The following ANO4 variants were observed in gnomAD, a reference collection of about 807,000 sequenced individuals.
ANO4 encodes anoctamin 4.
ANO4 carries 69 observed loss-of-function variants against 141.9 expected under a neutral mutation model. The ratio of observed to expected loss-of-function variants is 0.49; its 90% CI spans 0.40 to 0.59. The LOEUF is 0.59. Among genes scored for constraint, ANO4 ranks in the 20% least tolerant of loss-of-function variants. ANO4 has a pLI of 0.00. For missense variants in ANO4, 894 were observed against 1,162.2 expected, an observed-to-expected ratio of 0.77 and a Z score of 3.36; for synonymous variants, 350 against 394.3, an observed-to-expected ratio of 0.89 and a Z score of 1.33.
chr12:101,037,114 C>A lies in ANO4; in HGVS notation c.861C>A (p.Thr287=). The A allele has an allele frequency of 6.2e-7, 1 of 1,613,958 alleles. No homozygotes were observed. Among genetic ancestry groups the A allele is most frequent in the Non-Finnish European group, 8.5e-7 (1 of 1,179,908 alleles). Residue 287 remains threonine (T), a synonymous_variant, in exon 10 of 28, where the codon ACC becomes ACA. Coordinates refer to ENST00000392977, the MANE Select transcript of ANO4 (RefSeq NM_001286615.2). ...TTTTAGGTCTGAATCGTTTGCTTAC[C>A]AATGGCTCCTATGAAGCTGCGTTTC... ...KNKIGLNRLL[T]NGSYEAAFPL...
At chr12:100,801,739 C>A (rs1593365385) in intron 1 of ANO4, among the ~76,000 whole-genome samples, 1 of 32,742 alleles carries the variant, frequency 3.1e-5, no homozygotes. Flanking sequence ...TTTGATGGAG[C>A]AGGGGCTGGG....
At chr12:101,092,933 T>G (rs1362972682) in intron 17 of ANO4, among the ~76,000 whole-genome samples, 1 of 152,216 alleles carries the variant, frequency 6.6e-6, no homozygotes, top group East Asian at 1.9e-4. Flanking sequence ...GATAATTACA[T>G]AATTAAATAA....
At chr12:100,728,925 CAG>C (rs992614582) in intron 1 of ANO4, among the ~76,000 whole-genome samples, 1 of 152,078 alleles carries the variant, frequency 6.6e-6, no homozygotes, top group Non-Finnish European at 1.5e-5. Flanking sequence ...GGTTAAGAAA[CAG>C]AACACTTCCA....
At chr12:101,096,280 G>A (rs2049978632) in intron 18 of ANO4, among the ~76,000 whole-genome samples, 1 of 152,148 alleles carries the variant, frequency 6.6e-6, no homozygotes, top group Non-Finnish European at 1.5e-5. Context: ...TGTAAGAGTG[G>A]AACAGTCTAG....
At position 101,040,119 on chromosome 12, in the gene ANO4, G is replaced by A. The variant is rs369919343; in HGVS notation, c.1019+43G>A. 2.2e-5 allele frequency: 34 copies of A among 1,549,892 alleles called. No homozygotes were observed. In the African/African-American group the frequency reaches 4.6e-4, roughly 21 times the overall value. On this transcript the variant is annotated intron_variant, in intron 11 of 27. Coordinates refer to ENST00000392977, the MANE Select transcript of ANO4 (RefSeq NM_001286615.2). ...TGCAAATATAAAGCTTGCACAGAAT[G>A]ATTAGGGCAGACTGTCAGCTGGGAC...
intron 7 of ANO4, among the ~76,000 whole-genome samples, chr12:100,978,123 G>A (rs560626298): frequency 3.3e-5 from 5 of 152,322 alleles, no homozygotes; most frequent in African/African-American, 4.8e-5. Flanking sequence ...TGATGTAGGT[G>A]TCTAGCTCTC....
At chr12:100,980,849 G>A (rs184787677) in intron 7 of ANO4, among the ~76,000 whole-genome samples, 1 of 151,992 alleles carries the variant, frequency 6.6e-6, no homozygotes, top group East Asian at 1.9e-4. Context: ...ATTATAAATT[G>A]CCTATCCAAT....
intron 1 of ANO4, among the ~76,000 whole-genome samples, chr12:100,814,061 C>T (rs2035593148): frequency 6.6e-6 from 1 of 152,106 alleles, no homozygotes. Flanking sequence ...CTGTTCTTAC[C>T]ACTACTTTAT....
At chr12:101,009,167 AT>A (rs1452198311) in intron 8 of ANO4, among the ~76,000 whole-genome samples, 1 of 152,146 alleles carries the variant, frequency 6.6e-6, no homozygotes, top group African/African-American at 2.4e-5. Context: ...TTATGTTAAA[AT>A]GAAGTTATTA....
At chr12:100,816,373 G>A (rs1326022446) in intron 1 of ANO4, among the ~76,000 whole-genome samples, 1 of 152,048 alleles carries the variant, frequency 6.6e-6, no homozygotes, top group African/African-American at 2.4e-5. Context: ...TCTGAAAGAT[G>A]AGTGGTCCAT....
At chr12:100,724,684 A>G (rs1194317483) in intron 1 of ANO4, among the ~76,000 whole-genome samples, 3 of 152,124 alleles carry the variant, frequency 2.0e-5, no homozygotes, top group African/African-American at 7.2e-5. Context: ...ACCACTTTCT[A>G]CCTAGGACCA....
At chr12:100,966,136 GGT>G (rs2043644062) in intron 5 of ANO4, among the ~76,000 whole-genome samples, 1 of 152,096 alleles carries the variant, frequency 6.6e-6, no homozygotes, top group Non-Finnish European at 1.5e-5. Flanking sequence ...CCAAAATACT[GGT>G]TTCTTATTTA....
At chr12:100,726,188 G>A (rs949819544) in intron 1 of ANO4, among the ~76,000 whole-genome samples, 1 of 152,102 alleles carries the variant, frequency 6.6e-6, no homozygotes, top group Admixed American at 6.5e-5. Context: ...ACTGAGTTGT[G>A]CACTTGGGAT....
chr12:101,032,618 C>T (rs940583349), intron 9 of ANO4, among the ~76,000 whole-genome samples: 1 of 151,980 alleles, frequency 6.6e-6, no homozygotes, highest in Non-Finnish European at 1.5e-5. Context: ...AACAAATTTA[C>T]AAGGAAAAAA....
At chr12:100,733,709 T>G in intron 1 of ANO4, 2 of 663,410 alleles carry the variant, frequency 3.0e-6, no homozygotes, top group Non-Finnish European at 5.5e-6. Context: ...AGTCATATAT[T>G]TACATTGTGG....
chr12:100,726,873 T>TA (rs986933320), intron 1 of ANO4, among the ~76,000 whole-genome samples: 1 of 151,942 alleles, frequency 6.6e-6, no homozygotes, highest in South Asian at 2.1e-4. Flanking sequence ...AGTGCAACAT[T>TA]AAAAAAACTT....
rs117357589 is a variant in ANO4, at chr12:101,000,982, G to T, written c.734+13312G>T. 4.9e-4 allele frequency among the ~76,000 whole-genome samples: 75 copies of T among 152,268 alleles called. 2 individuals carry two copies. In the East Asian group the frequency reaches 0.014, roughly 28 times the overall value. ...AACAAACACTTTCAATGCCTATTATGTGCCACATATTGTACTATAATAGAA... is the reference window on the plus strand; with the variant it reads ...AACAAACACTTTCAATGCCTATTATTTGCCACATATTGTACTATAATAGAA... On this transcript the variant is annotated intron_variant, in intron 8 of 27. Coordinates refer to ENST00000392977, the MANE Select transcript of ANO4 (RefSeq NM_001286615.2).
intron 5 of ANO4, among the ~76,000 whole-genome samples, chr12:100,944,940 A>G (rs1427844962): frequency 6.6e-6 from 1 of 152,174 alleles, no homozygotes; most frequent in Non-Finnish European, 1.5e-5. Context: ...CAAGTTTTTT[A>G]TAAGCAGCTA....
chr12:100,788,886 A>C (rs1254207008), intron 3 of ANO4, among the ~76,000 whole-genome samples: 3 of 151,942 alleles, frequency 2.0e-5, no homozygotes, highest in African/African-American at 7.3e-5. Flanking sequence ...AAGAGTAACG[A>C]GCTGGAAAAT....
Sources: allele counts gnomAD v4.1 joint callset (sites outside exome capture counted in the v4.1 genomes callset), GRCh38; gene constraint gnomAD v4.1.1; transcripts MANE v1.5; gene names NCBI Gene and HGNC (gene_info 2026-07-23, HGNC 2026-07-21).